The following ATP13A5 variants were observed in gnomAD, a reference collection of about 807,000 sequenced individuals.
The protein encoded by ATP13A5 is ATPase 13A5.
A neutral mutation model predicts 150.2 loss-of-function variants in ATP13A5; 149 were observed. The observed-to-expected ratio is 0.99, with a 90% CI of 0.87 to 1.14. The LOEUF is 1.14. Ranked by LOEUF, ATP13A5 falls within the 50% of genes most tolerant of loss-of-function variation. The pLI is 0.00. For missense variants in ATP13A5, 1,383 were observed against 1,449.3 expected, an observed-to-expected ratio of 0.95 and a Z score of 0.74; for synonymous variants, 497 against 522.2, an observed-to-expected ratio of 0.95 and a Z score of 0.66.
intron 23 of ATP13A5, among the ~76,000 whole-genome samples, chr3:193,302,079 C>G (rs1282789997): frequency 6.6e-6 from 1 of 152,160 alleles, no homozygotes; most frequent in Admixed American, 6.5e-5. Flanking sequence ...CAAACCAGCT[C>G]TCCTTCAGCC....
intron 5 of ATP13A5, among the ~76,000 whole-genome samples, chr3:193,354,579 A>G (rs1018569248): frequency 2.0e-5 from 3 of 151,814 alleles, no homozygotes; most frequent in Admixed American, 6.6e-5. Flanking sequence ...GCTAGAAGTC[A>G]TATCTATCTT....
rs199756697 is a variant in ATP13A5, at chr3:193,354,890, C to T, written c.537-694G>A. 1.6e-4 allele frequency among the ~76,000 whole-genome samples: 24 copies of T among 149,638 alleles called. 1 individual carries two copies. The highest frequency in any genetic ancestry group is 3.5e-4 in the African/African-American group (14 of 40,542). ...TGCCAATGGAAGAAATTATTCAGTGCGGCATGTAGCCAAAATTGCACACAT... is the reference window on the plus strand; with the variant it reads ...TGCCAATGGAAGAAATTATTCAGTGTGGCATGTAGCCAAAATTGCACACAT... On this transcript the variant is annotated intron_variant, in intron 5 of 29. Coordinates refer to ENST00000342358, the MANE Select transcript of ATP13A5 (RefSeq NM_198505.4).
At chr3:193,333,702 C>G (rs1356866207) in intron 11 of ATP13A5, 48 bp downstream of exon 11, 1 of 1,561,074 alleles carries the variant, frequency 6.4e-7, no homozygotes, top group Admixed American at 1.8e-5. Context: ...TTAGGTCAAG[C>G]TCTTTGCAGA....
At chr3:193,305,334 A>C (rs1177048544) in intron 23 of ATP13A5, among the ~76,000 whole-genome samples, 5 of 152,222 alleles carry the variant, frequency 3.3e-5, no homozygotes, top group Non-Finnish European at 7.3e-5. Context: ...TCAACTGTTT[A>C]CATGATACCC....
At chr3:193,312,557 G>A in intron 19 of ATP13A5, 1 of 152,146 alleles carries the variant, frequency 6.6e-6, no homozygotes, top group Non-Finnish European at 1.5e-5. Flanking sequence ...CTCTGGCTTG[G>A]TTCTAGCCCT....
At chr3:193,304,746 A>C (rs2108843685) in intron 23 of ATP13A5, among the ~76,000 whole-genome samples, 1 of 152,306 alleles carries the variant, frequency 6.6e-6, no homozygotes, top group South Asian at 2.1e-4. Context: ...GGCTTCCTGT[A>C]TTAGTCCATT....
intron 5 of ATP13A5, among the ~76,000 whole-genome samples, chr3:193,356,465 G>C (rs1379444070): frequency 1.3e-5 from 2 of 152,056 alleles, no homozygotes; most frequent in Non-Finnish European, 2.9e-5. Context: ...TTGCTATCAA[G>C]CTGGGTGTGT....
At chr3:193,354,631 C>G (rs139223302) in intron 5 of ATP13A5, among the ~76,000 whole-genome samples, 2 of 151,376 alleles carry the variant, frequency 1.3e-5, no homozygotes, top group African/African-American at 4.9e-5. Flanking sequence ...CCTTAGTATA[C>G]GAACCGAATG....
At chr3:193,308,808 G>T (rs1303339844) in intron 21 of ATP13A5, among the ~76,000 whole-genome samples, 1 of 152,100 alleles carries the variant, frequency 6.6e-6, no homozygotes, top group Non-Finnish European at 1.5e-5. Context: ...GCTTTTCAAA[G>T]TTAGGCATTT....
chr3:193,276,637 T>C (rs1717215806), intron 29 of ATP13A5, 113 bp downstream of exon 29: 7 of 723,338 alleles, frequency 9.7e-6, no homozygotes, highest in South Asian at 9.7e-5. Flanking sequence ...AATAAACCCT[T>C]AATAACTGTC....
At chr3:193,314,011 G>T (rs991513050) in intron 19 of ATP13A5, 22 bp downstream of exon 19, 1 of 1,611,162 alleles carries the variant, frequency 6.2e-7, no homozygotes, top group African/African-American at 1.3e-5. Context: ...GCCCACGGAG[G>T]GGCCTTCTAA....
At chr3:193,343,759 C>T (rs1240673386) in intron 9 of ATP13A5, among the ~76,000 whole-genome samples, 168 bp downstream of exon 9, 1 of 152,120 alleles carries the variant, frequency 6.6e-6, no homozygotes, top group East Asian at 1.9e-4. Flanking sequence ...TATTGTTAAA[C>T]ATTTCCTGTT....
chr3:193,374,055 A>G (rs1713545162), intron 1 of ATP13A5, among the ~76,000 whole-genome samples: 2 of 152,184 alleles, frequency 1.3e-5, no homozygotes, highest in African/African-American at 4.8e-5. Flanking sequence ...AATCAAAGTC[A>G]TCTTCAGAAA....
rs554611160 is a variant in ATP13A5 at position 193,335,105 on chromosome 3, G to C, written c.944-6C>G. 4 of 1,613,264 alleles carry C rather than the reference G, an allele frequency of 2.5e-6. No homozygotes were observed. The East Asian group carries it at 6.7e-5, about 27-fold the overall frequency. ...TGTAACAGGTATACTTTCTCCTAAA[G>C]AGGATTGTATTTTGTTGAATCTATG... On this transcript the variant is annotated splice_polypyrimidine_tract_variant and splice_region_variant and intron_variant, in intron 9 of 29. Coordinates refer to ENST00000342358, the MANE Select transcript of ATP13A5 (RefSeq NM_198505.4).
intron 5 of ATP13A5, among the ~76,000 whole-genome samples, chr3:193,360,473 T>C (rs80349754): frequency 0.014 from 2,197 of 152,222 alleles, 36 homozygotes; most frequent in South Asian, 0.077. Flanking sequence ...TACTCAACCA[T>C]CCATCACACT....
rs1553820269 is a variant in ATP13A5 at position 193,347,524 on chromosome 3, C to CTTTTTT, written c.742-2455_742-2450dup. ...AAGATAAAAATCCTTCCTTAGATTT[C>CTTTTTT]TTTTTTTTTTGCTTAGAAACTCGTT... On this transcript the variant is annotated intron_variant, in intron 7 of 29. Coordinates refer to ENST00000342358, the MANE Select transcript of ATP13A5 (RefSeq NM_198505.4). Among the ~76,000 whole-genome samples the CTTTTTT allele has an allele frequency of 4.5e-4, 66 of 145,440 alleles. 1 individual carries two copies. Among genetic ancestry groups the CTTTTTT allele is most frequent in the Non-Finnish European group, 6.7e-4 (45 of 66,966 alleles).
chr3:193,365,257 A>G (rs1713198537), intron 1 of ATP13A5, among the ~76,000 whole-genome samples: 1 of 152,114 alleles, frequency 6.6e-6, no homozygotes, highest in South Asian at 2.1e-4. Flanking sequence ...AGTTTTTACT[A>G]AGTGTCTAGA....
intron 27 of ATP13A5, among the ~76,000 whole-genome samples, chr3:193,283,310 TC>T (rs1717579606): frequency 6.6e-6 from 1 of 152,158 alleles, no homozygotes; most frequent in South Asian, 2.1e-4. Flanking sequence ...ATTGTGATAA[TC>T]TATCCTATTT....
chr3:193,277,401 G>T (rs770381440), intron 28 of ATP13A5, among the ~76,000 whole-genome samples: 6 of 152,138 alleles, frequency 3.9e-5, no homozygotes, highest in Non-Finnish European at 8.8e-5. Context: ...CTTATTTAAA[G>T]TGTGAGAGCC....
Sources: gnomAD v4.1 joint callset for allele counts (sites outside exome capture counted in the v4.1 genomes callset) on GRCh38, gnomAD v4.1.1 for gene constraint, MANE v1.5 for transcripts, NCBI Gene and HGNC (gene_info 2026-07-23, HGNC 2026-07-21) for gene names.